Variants in WDR70 observed in about 807,000 individuals in gnomAD.
The protein encoded by WDR70 is WD repeat-containing protein 70.
In WDR70, 53 loss-of-function variants were observed where a neutral mutation model predicts 88.6. That is an observed-to-expected ratio of 0.60 (90% confidence interval 0.48 to 0.75). The LOEUF (loss-of-function observed/expected upper bound fraction) is 0.75, where lower values mean the gene tolerates loss of function less well. WDR70 is among the 30% of genes least tolerant of loss of function. WDR70 has a pLI of 0.00. For missense variants in WDR70, 610 were observed against 823.2 expected (o/e 0.74, Z 3.17); for synonymous variants, 280 against 270.0 (o/e 1.04, Z -0.36).
chr5:37,701,042 C>T lies in WDR70; in HGVS notation c.1193-16C>T, dbSNP rs1004851085. On this transcript the variant is annotated splice_polypyrimidine_tract_variant and intron_variant, in intron 11 of 17. Transcript: ENST00000265107. ...TTCACTTTTCTGTCTTTTTTTTCCC[C>T]TCATTCCTCTGTCAGGTGACGATTC... 24 of 1,555,568 alleles carry T rather than the reference C, an allele frequency of 1.5e-5. No individual in the cohort carries two copies. The highest frequency in any genetic ancestry group is 1.9e-5 in the Non-Finnish European group (22 of 1,129,730).
chr5:37,668,523 A>AG (rs1354444553), intron 10 of WDR70, among the ~76,000 whole-genome samples: 2 of 152,238 alleles, frequency 1.3e-5, no homozygotes, highest in East Asian at 3.9e-4. Context: ...GGTCTCAACT[A>AG]GGGTTTATAA....
chr5:37,442,342 A>T (rs896852761), intron 6 of WDR70, among the ~76,000 whole-genome samples: 2 of 143,876 alleles, frequency 1.4e-5, no homozygotes, highest in African/African-American at 5.2e-5. Context: ...TGGCCTGCAA[A>T]TTTTTTTTTT....
intron 10 of WDR70, among the ~76,000 whole-genome samples, chr5:37,617,289 A>G (rs1018275517): frequency 6.6e-6 from 1 of 152,230 alleles, no homozygotes; most frequent in African/African-American, 2.4e-5. Flanking sequence ...TCACTGCTAT[A>G]TGGTTCAAAA....
intron 10 of WDR70, among the ~76,000 whole-genome samples, chr5:37,679,065 C>G (rs1581489479): frequency 1.3e-5 from 2 of 152,322 alleles, no homozygotes; most frequent in Middle Eastern, 6.8e-3. Flanking sequence ...GTTCTCGAGC[C>G]TTGGCTTTCA....
At chr5:37,448,500 C>G (rs1738569389) in intron 7 of WDR70, among the ~76,000 whole-genome samples, 1 of 152,030 alleles carries the variant, frequency 6.6e-6, no homozygotes, top group African/African-American at 2.4e-5. Flanking sequence ...ATATATGTGT[C>G]TATGTTTAAA....
intron 10 of WDR70, among the ~76,000 whole-genome samples, chr5:37,618,423 C>T (rs1744407601): frequency 6.6e-6 from 1 of 152,144 alleles, no homozygotes; most frequent in East Asian, 1.9e-4. Context: ...GGCTGGAGTG[C>T]AGTGGCTCAG....
chr5:37,539,432 A>T (rs1741752859), intron 9 of WDR70, among the ~76,000 whole-genome samples: 2 of 152,220 alleles, frequency 1.3e-5, no homozygotes, highest in South Asian at 4.1e-4. Flanking sequence ...AGACCATGTG[A>T]GGACATAGTG....
At chr5:37,746,303 A>G (rs1748635703) in intron 17 of WDR70, among the ~76,000 whole-genome samples, 1 of 152,236 alleles carries the variant, frequency 6.6e-6, no homozygotes, top group African/African-American at 2.4e-5. Flanking sequence ...TTCTAGCACT[A>G]AATGCCCACA....
chr5:37,689,476 C>G (rs1299466728), intron 10 of WDR70, among the ~76,000 whole-genome samples: 1 of 152,172 alleles, frequency 6.6e-6, no homozygotes, highest in African/African-American at 2.4e-5. Context: ...CCCTCTGGGA[C>G]GAAGCTTCCA....
At chr5:37,717,927 C>T (rs1454248784) in intron 13 of WDR70, among the ~76,000 whole-genome samples, 2 of 152,152 alleles carry the variant, frequency 1.3e-5, no homozygotes, top group Non-Finnish European at 2.9e-5. Context: ...TTTTAGAATC[C>T]TTGTAGTATT....
intron 10 of WDR70, among the ~76,000 whole-genome samples, chr5:37,674,230 C>CT (rs755013398): frequency 2.0e-3 from 302 of 151,116 alleles, no homozygotes; most frequent in Middle Eastern, 0.01. Flanking sequence ...TTTCCATTTT[C>CT]TTTTTTTTTA....
At chr5:37,619,386 A>T (rs996531585) in intron 10 of WDR70, among the ~76,000 whole-genome samples, 9 of 152,280 alleles carry the variant, frequency 5.9e-5, no homozygotes, top group South Asian at 2.1e-4. Flanking sequence ...GGATGACTAT[A>T]GTCTCTAAAA....
Position 37,423,919 on chromosome 5 carries a change from C to A in WDR70, c.493-14003C>A, listed in dbSNP as rs183807645. On this transcript the variant is annotated intron_variant, in intron 5 of 17. Transcript: ENST00000265107. ...ATCCCAGCACTTTGGGAGGCCGAGG[C>A]GGGCAGATCACCTGAGGTCAGGAGT... is the stretch of plus-strand genomic sequence containing the variant. 4.0e-3 allele frequency among the ~76,000 whole-genome samples: 590 copies of A among 147,744 alleles called. 2 individuals carry two copies. Among genetic ancestry groups the A allele is most frequent in the African/African-American group, 0.013 (537 of 40,802 alleles).
At chr5:37,685,548 C>G (rs2112625748) in intron 10 of WDR70, among the ~76,000 whole-genome samples, 1 of 152,148 alleles carries the variant, frequency 6.6e-6, no homozygotes, top group Non-Finnish European at 1.5e-5. Flanking sequence ...CAGACCAGCC[C>G]CATCTGATGG....
chr5:37,589,619 G>T (rs893267408), intron 9 of WDR70, among the ~76,000 whole-genome samples: 2 of 151,774 alleles, frequency 1.3e-5, no homozygotes, highest in Non-Finnish European at 2.9e-5. Context: ...TCTTTCTGTT[G>T]CCCAGGCTGG....
chr5:37,687,991 A>G (rs1316540196), intron 10 of WDR70: 13 of 679,880 alleles, frequency 1.9e-5, no homozygotes, highest in Non-Finnish European at 3.5e-5. Flanking sequence ...AATCCACTGG[A>G]CTCTATAACT....
chr5:37,480,915 G>A (rs1739644697), intron 8 of WDR70, among the ~76,000 whole-genome samples: 1 of 152,176 alleles, frequency 6.6e-6, no homozygotes, highest in Admixed American at 6.5e-5. Flanking sequence ...AGATAAACAG[G>A]GATACAGGCT....
chr5:37,395,285 A>T (rs13159507), intron 4 of WDR70, among the ~76,000 whole-genome samples: 102,751 of 152,048 alleles, frequency 0.68, 39,198 homozygotes, highest in East Asian at 0.88. Flanking sequence ...ATAGGAAACC[A>T]CTTGGGAATC....
At chr5:37,667,979 T>A (rs1168263814) in intron 10 of WDR70, among the ~76,000 whole-genome samples, 1 of 152,044 alleles carries the variant, frequency 6.6e-6, no homozygotes, top group African/African-American at 2.4e-5. Flanking sequence ...TTGTGAATCT[T>A]CAAGACAAGG....
Sources: allele counts gnomAD v4.1 joint callset (sites outside exome capture counted in the v4.1 genomes callset), GRCh38; gene constraint gnomAD v4.1.1; transcripts MANE v1.5; gene names NCBI Gene and HGNC (gene_info 2026-07-23, HGNC 2026-07-21).